Variants in UTRN observed in about 807,000 individuals in gnomAD.
UTRN encodes the protein dystrophin-related protein 1.
UTRN carries 283 observed loss-of-function variants against 463.9 expected under a neutral mutation model. The observed-to-expected ratio is 0.61, with a 90% CI of 0.55 to 0.67. The LOEUF is 0.67. Among genes scored for constraint, UTRN ranks in the 30% least tolerant of loss-of-function variants. The pLI, the probability that UTRN is intolerant of heterozygous loss-of-function variation, is 0.00. For synonymous variants in UTRN, 1,442 were observed against 1,431.5 expected (o/e 1.01, Z -0.17); for missense variants, 3,922 against 4,084.3 (o/e 0.96, Z 1.08).
chr6:144,675,040 A>G (rs556174880), intron 51 of UTRN, among the ~76,000 whole-genome samples: 1 of 152,296 alleles, frequency 6.6e-6, no homozygotes, highest in African/African-American at 2.4e-5. Context: ...ATTTTTTCAT[A>G]TTACCAGAAC....
At chr6:144,490,245 A>G in intron 31 of UTRN, 46 bp downstream of exon 31, 1 of 1,565,686 alleles carries the variant, frequency 6.4e-7, no homozygotes, top group Non-Finnish European at 8.6e-7. Flanking sequence ...CTTGTTGGGA[A>G]TTTTCTTCAA....
chr6:144,608,278 C>T (rs1247304617), intron 51 of UTRN, among the ~76,000 whole-genome samples: 1 of 152,168 alleles, frequency 6.6e-6, no homozygotes, highest in Non-Finnish European at 1.5e-5. Context: ...AAGAGCAGCT[C>T]TTCCCTGGGT....
intron 51 of UTRN, among the ~76,000 whole-genome samples, chr6:144,652,835 A>G (rs1259033030): frequency 1.3e-5 from 2 of 152,228 alleles, no homozygotes; most frequent in South Asian, 2.1e-4. Flanking sequence ...GCTTGTTTCT[A>G]TTGAGGGCTG....
chr6:144,632,104 T>A (rs1368503002), intron 51 of UTRN, among the ~76,000 whole-genome samples: 1 of 152,236 alleles, frequency 6.6e-6, no homozygotes, highest in East Asian at 1.9e-4. Flanking sequence ...AGCTTTTACA[T>A]GATCTTGAGG....
At chr6:144,724,372 G>A (rs1419563409) in intron 53 of UTRN, among the ~76,000 whole-genome samples, 1 of 151,542 alleles carries the variant, frequency 6.6e-6, no homozygotes, top group Admixed American at 6.6e-5. Flanking sequence ...GGGACTACAG[G>A]CACCCGCCAC....
At chr6:144,622,351 TA>T (rs879432987) in intron 51 of UTRN, among the ~76,000 whole-genome samples, 81 of 152,072 alleles carry the variant, frequency 5.3e-4, no homozygotes, top group Middle Eastern at 3.4e-3. Context: ...CATACCTGGC[TA>T]ATTTTTGTAT....
chr6:144,548,149 T>A (rs1384491920), intron 46 of UTRN, among the ~76,000 whole-genome samples: 4 of 152,166 alleles, frequency 2.6e-5, no homozygotes, highest in Admixed American at 6.5e-5. Flanking sequence ...CTTTGCAAGT[T>A]TTTTAAAAAA....
In UTRN at chr6:144,447,206, T is replaced by G. The variant is rs1354643369; in HGVS notation, c.1615-5T>G. ...ATAAAGTTCAACTTTTGTTATTACT[T>G]GTAGTGCTTGTTGAAAGCTTGGTTA... On this transcript the variant is annotated splice_region_variant and splice_polypyrimidine_tract_variant and intron_variant, in intron 14 of 74. Transcript: ENST00000367545. The G allele has an allele frequency of 1.2e-6, 2 of 1,613,206 alleles. No individual in the cohort carries two copies. The highest frequency in any genetic ancestry group is 3.3e-5 in the Admixed American group (2 of 59,854).
chr6:144,462,738 C>T lies in UTRN; in HGVS notation c.2938C>T (p.Pro980Ser). Residue 980 changes from proline to serine, a missense_variant, in exon 23 of 75, where the codon CCT becomes TCT. Pro to Ser is a moderately conservative substitution (Grantham distance 74). This residue lies in a region of UTRN where 2,349 missense variants were observed against 2,303.8 expected (regional missense o/e 1.02). Coordinates refer to ENST00000367545, the MANE Select transcript of UTRN (RefSeq NM_007124.3). Reference protein sequence around the residue: ...ETKALEKNVHPDVEKLYKQEF... With the variant: ...ETKALEKNVHSDVEKLYKQEF... ...AAAGGCTCTGGAGAAAAATGTTCAT[C>T]CTGATGTAGAAAAATTATATAAGCA... The T allele has an allele frequency of 6.2e-7, 1 of 1,611,870 alleles. No homozygotes were observed. Among genetic ancestry groups the T allele is most frequent in the Non-Finnish European group, 8.5e-7 (1 of 1,179,528 alleles).
intron 52 of UTRN, among the ~76,000 whole-genome samples, chr6:144,695,622 C>T (rs1257769155): frequency 5.3e-5 from 8 of 152,200 alleles, no homozygotes; most frequent in African/African-American, 1.7e-4. Context: ...GGATTACAGG[C>T]GTGAGCCACT....
In UTRN at chr6:144,451,671, TC is replaced by T. The variant is rs540224462; in HGVS notation, c.2196+181del. Among the ~76,000 whole-genome samples, 16 of 146,614 alleles carry T rather than the reference TC, an allele frequency of 1.1e-4. No individual in the cohort carries two copies. The South Asian group carries it at 3.3e-3, about 30-fold the overall frequency. ...TCCATTCATGCTAGCTGTCATCAGA[TC>T]CCTATTTGGAGGACGTTTTTTTTTT... On this transcript the variant is annotated intron_variant, in intron 18 of 74. Coordinates refer to ENST00000367545, the MANE Select transcript of UTRN (RefSeq NM_007124.3).
intron 68 of UTRN, 83 bp downstream of exon 68, chr6:144,827,759 C>G: frequency 6.9e-7 from 1 of 1,450,612 alleles, no homozygotes; most frequent in African/African-American, 1.4e-5. Flanking sequence ...CATTAATATA[C>G]CTTGATTTAA....
At chr6:144,816,650 T>C (rs1033165672) in intron 65 of UTRN, among the ~76,000 whole-genome samples, 3 of 100,264 alleles carry the variant, frequency 3.0e-5, no homozygotes, top group African/African-American at 1.2e-4. Flanking sequence ...GTTGTACTTA[T>C]ACCAAACGTG....
rs575181494 is a variant in UTRN, at chr6:144,813,318, A to C, written c.9358-7564A>C. 1.4e-4 allele frequency among the ~76,000 whole-genome samples: 21 copies of C among 152,162 alleles called. No homozygotes were observed. The South Asian group carries it at 3.3e-3, about 24-fold the overall frequency. On this transcript the variant is annotated intron_variant, in intron 65 of 74. Coordinates refer to ENST00000367545, the MANE Select transcript of UTRN (RefSeq NM_007124.3). ...ATTCTCCTGCCTTAGCCTCCTGAGT[A>C]GCTGGGATTCCAGGCATGTGCCACC...
At chr6:144,808,324 A>G (rs1778324692) in intron 65 of UTRN, among the ~76,000 whole-genome samples, 1 of 151,994 alleles carries the variant, frequency 6.6e-6, no homozygotes, top group South Asian at 2.1e-4. Flanking sequence ...GAATTCAGGG[A>G]TTATCATTTT....
intron 2 of UTRN, 140 bp from the exon 3 acceptor site, chr6:144,402,983 A>T: frequency 4.1e-6 from 3 of 726,304 alleles, no homozygotes; most frequent in Non-Finnish European, 7.1e-6. Flanking sequence ...ATTCTGCATT[A>T]GCTCCGCCTC....
At chr6:144,629,388 T>C (rs1776286230) in intron 51 of UTRN, among the ~76,000 whole-genome samples, 1 of 152,254 alleles carries the variant, frequency 6.6e-6, no homozygotes. Context: ...TATTGTCTTT[T>C]ATTTTAAAGT....
At chr6:144,544,730 C>T (rs1227696839) in intron 46 of UTRN, among the ~76,000 whole-genome samples, 4 of 152,198 alleles carry the variant, frequency 2.6e-5, no homozygotes, top group Middle Eastern at 3.4e-3. Context: ...CGTTTTCCCA[C>T]CAGAGAATCC....
At position 144,734,450 on chromosome 6, in the gene UTRN, A is replaced by G. The variant is rs552943191; in HGVS notation, c.7939+3964A>G. Among the ~76,000 whole-genome samples, 58 of 152,254 alleles carry G rather than the reference A, an allele frequency of 3.8e-4. 3 individuals are homozygous for G. The South Asian group carries it at 9.3e-3, about 24-fold the overall frequency. ...TCAACATTTACGAAATTCCTTTCCT[A>G]TATCTGTCAAGAAGCCCCTGCCCCC... On this transcript the variant is annotated intron_variant, in intron 54 of 74. Coordinates refer to ENST00000367545, the MANE Select transcript of UTRN (RefSeq NM_007124.3).
Sources: gnomAD v4.1 joint callset for allele counts (sites outside exome capture counted in the v4.1 genomes callset) on GRCh38, gnomAD v4.1.1 for gene constraint, gnomAD v4.1.1 regional missense constraint, MANE v1.5 for transcripts, NCBI Gene and HGNC (gene_info 2026-07-23, HGNC 2026-07-21) for gene names.